The following THAP10 variants were observed in gnomAD, a reference collection of about 807,000 sequenced individuals.
THAP10 encodes THAP domain containing 10, also known as THAP domain-containing protein 10.
A neutral mutation model predicts 15.7 loss-of-function variants in THAP10; 10 were observed. That is an observed-to-expected ratio of 0.64 (90% CI 0.39 to 1.08). The LOEUF (loss-of-function observed/expected upper bound fraction) is 1.08, where lower values mean the gene tolerates loss of function less well. THAP10 is among the 50% of genes least tolerant of loss of function. The pLI, the probability that THAP10 is intolerant of heterozygous loss-of-function variation, is 0.01. For missense variants in THAP10, 310 were observed against 330.9 expected, an observed-to-expected ratio of 0.94 and a Z score of 0.49; for synonymous variants, 127 against 129.1, an observed-to-expected ratio of 0.98 and a Z score of 0.11.
rs2033300118 is a variant in THAP10 at position 70,882,850 on chromosome 15, G to T, written c.488C>A (p.Thr163Asn). The change falls in exon 2 of 3, where the codon ACT becomes AAT. Residue 163 changes from threonine (T) to asparagine (N), a missense_variant. Thr to Asn is a moderately conservative substitution (Grantham distance 65). Coordinates refer to ENST00000249861, the MANE Select transcript of THAP10 (RefSeq NM_020147.4). ...TQPHADNPSNTVTSVPTHCEE... is the reference protein window; with the variant it reads ...TQPHADNPSNNVTSVPTHCEE... Reference sequence around the variant, plus strand: ...ACAGTGAGTAGGTACTGAAGTGACAGTATTAGATGGATTATCAGCATGGGG... The same window carrying T: ...ACAGTGAGTAGGTACTGAAGTGACATTATTAGATGGATTATCAGCATGGGG... The T allele has an allele frequency of 6.2e-7, 1 of 1,614,034 alleles. No homozygotes were observed. Among genetic ancestry groups the T allele is most frequent in the Admixed American group, 1.7e-5 (1 of 60,004 alleles).
intron 1 of THAP10, among the ~76,000 whole-genome samples, chr15:70,889,977 CT>C (rs1301166409): frequency 3.9e-5 from 6 of 152,152 alleles, no homozygotes; most frequent in African/African-American, 1.4e-4. Flanking sequence ...TATTTTAGAA[CT>C]CACAGTTTTC....
chr15:70,891,734 T>C, intron 1 of THAP10, 110 bp downstream of exon 1: 1 of 1,023,954 alleles, frequency 9.8e-7, no homozygotes, highest in Non-Finnish European at 1.4e-6. Context: ...CTTTGCAGAT[T>C]AGAAAACAGG....
intron 1 of THAP10, among the ~76,000 whole-genome samples, chr15:70,885,877 G>A (rs1263811697): frequency 2.0e-5 from 3 of 152,264 alleles, no homozygotes; most frequent in East Asian, 3.9e-4. Flanking sequence ...TCCAAGTGCA[G>A]TACGCACATT....
At position 70,882,799 on chromosome 15, in the gene THAP10, G is replaced by T; in HGVS notation, c.539C>A (p.Thr180Lys). Residue 180 changes from threonine to lysine, a missense_variant, in exon 2 of 3, where the codon ACA (threonine) becomes AAA (lysine). Thr to Lys is a moderately conservative substitution (Grantham distance 78). Coordinates refer to ENST00000249861, the MANE Select transcript of THAP10 (RefSeq NM_020147.4). ...ACGGGGCCTTTTCAAAGAAATTTGT[G>T]TACTTTTATGCACTGGGCCTTCTTC... ...HCEEGPVHKS[T>K]QISLKRPRHR... The T allele has an allele frequency of 6.2e-7, 1 of 1,614,164 alleles. No individual in the cohort carries two copies. Among genetic ancestry groups the T allele is most frequent in the East Asian group, 2.2e-5 (1 of 44,868 alleles).
At chr15:70,882,989 C>T in intron 1 of THAP10, 81 bp from the exon 2 acceptor site, 6 of 1,456,426 alleles carry the variant, frequency 4.1e-6, no homozygotes, top group African/African-American at 1.4e-5. Flanking sequence ...AGTAGTAAGA[C>T]AGTATAGCTG....
At chr15:70,884,027 GT>G (rs1303726576) in intron 1 of THAP10, among the ~76,000 whole-genome samples, 1 of 152,070 alleles carries the variant, frequency 6.6e-6, no homozygotes, top group Non-Finnish European at 1.5e-5. Flanking sequence ...TATGTAAAAG[GT>G]AATATAAGAC....
intron 1 of THAP10, 92 bp downstream of exon 1, chr15:70,891,752 G>T: frequency 8.4e-7 from 1 of 1,193,094 alleles, no homozygotes; most frequent in South Asian, 1.6e-5. Flanking sequence ...AGGAACTTTC[G>T]AGATGAGGTG....
At chr15:70,889,427 T>C (rs1403342785) in intron 1 of THAP10, among the ~76,000 whole-genome samples, 1 of 152,074 alleles carries the variant, frequency 6.6e-6, no homozygotes, top group Non-Finnish European at 1.5e-5. Flanking sequence ...TGGGGTGATA[T>C]AGGGACTCCT....
chr15:70,886,162 A>T (rs1396287901), intron 1 of THAP10, among the ~76,000 whole-genome samples: 1 of 152,210 alleles, frequency 6.6e-6, no homozygotes, highest in African/African-American at 2.4e-5. Context: ...AACTTGTAAG[A>T]TTCAGTAAAG....
In THAP10 at chr15:70,881,575, A is replaced by G. The variant is rs1262242772; in HGVS notation, c.*879T>C. The G allele has an allele frequency of 1.3e-5, 2 of 152,208 alleles. No homozygotes were observed. The highest frequency in any genetic ancestry group is 2.4e-5 in the African/African-American group (1 of 41,460). 9.4% of individuals were successfully genotyped at this position (152,208 alleles called of 1,614,324 possible). ...AGAAACTATTGTAACAGTTTACTTC[A>G]TGGTACAAAATTGCCATAGAAATTT... On this transcript the variant is annotated 3_prime_UTR_variant, in exon 3 of 3. Transcript: ENST00000249861.
Position 70,882,406 on chromosome 15 carries a change from T to C in THAP10, c.*48A>G, listed in dbSNP as rs776059168. On this transcript the variant is annotated 3_prime_UTR_variant, in exon 3 of 3. Transcript: ENST00000249861. Reference sequence around the variant, plus strand: ...AATAGCAAAGAGATAATTATGTGAGTAAAGATTTGAAAATCTATAGCACAT... The same window carrying C: ...AATAGCAAAGAGATAATTATGTGAGCAAAGATTTGAAAATCTATAGCACAT... 95 of 1,402,582 alleles carry C rather than the reference T, an allele frequency of 6.8e-5. No individual in the cohort carries two copies. Among genetic ancestry groups the C allele is most frequent in the Non-Finnish European group, 9.9e-7 (1 of 1,012,782 alleles). The allele number at this position is 1,402,582 out of a possible 1,614,324, so 86.9% of individuals were successfully genotyped here. A position where few individuals can be genotyped will look rare whatever the true frequency, so the allele number is the denominator to read the frequency against.
In THAP10 at chr15:70,892,122, A is replaced by G. The variant is rs749123307; in HGVS notation, c.151T>C (p.Ser51Pro). The G allele has an allele frequency of 1.2e-6, 2 of 1,613,900 alleles. No homozygotes were observed. Among genetic ancestry groups the G allele is most frequent in the Non-Finnish European group, 1.7e-6 (2 of 1,179,906 alleles). The change falls in exon 1 of 3, where the codon TCG (serine) becomes CCG (proline). Residue 51 changes from serine to proline, a missense_variant. Coordinates refer to ENST00000249861, the MANE Select transcript of THAP10 (RefSeq NM_020147.4). ...RADWYGGNDR[S>P]VICSDHFAPA... ...GCAAAGTGGTCAGAGCAGATGACCG[A>G]GCGGTCATTGCCTCCGTACCAGTCG... is the stretch of plus-strand genomic sequence containing the variant.
chr15:70,885,253 A>G (rs1412611877), intron 1 of THAP10, among the ~76,000 whole-genome samples: 2 of 152,218 alleles, frequency 1.3e-5, no homozygotes, highest in Non-Finnish European at 2.9e-5. Context: ...AGAAAATGTC[A>G]TAACAGACAT....
At chr15:70,887,718 C>T (rs1157234572) in intron 1 of THAP10, among the ~76,000 whole-genome samples, 3 of 152,084 alleles carry the variant, frequency 2.0e-5, no homozygotes, top group African/African-American at 7.2e-5. Flanking sequence ...TCTTCTGTTC[C>T]CACACTGTAC....
At chr15:70,888,753 A>T (rs2033474820) in intron 1 of THAP10, among the ~76,000 whole-genome samples, 1 of 152,192 alleles carries the variant, frequency 6.6e-6, no homozygotes, top group Non-Finnish European at 1.5e-5. Flanking sequence ...AAAATTCTAA[A>T]TCAACAAGAA....
chr15:70,885,974 T>C (rs1335709701), intron 1 of THAP10, among the ~76,000 whole-genome samples: 2 of 152,162 alleles, frequency 1.3e-5, no homozygotes, highest in Non-Finnish European at 2.9e-5. Context: ...GTCCATATAT[T>C]GCATTTTCTC....
At chr15:70,887,364 T>C (rs2033438064) in intron 1 of THAP10, among the ~76,000 whole-genome samples, 1 of 152,112 alleles carries the variant, frequency 6.6e-6, no homozygotes, top group South Asian at 2.1e-4. Flanking sequence ...ACAAAAATCC[T>C]AAATATTTTA....
chr15:70,892,420 G>C lies in THAP10; in HGVS notation c.-148C>G, dbSNP rs1460176198. The stretch of plus-strand genomic sequence containing the variant: ...GTTTCCTTCCCTACCTCTGGTCACC[G>C]GAAGTGGCGATCTGGGGCCCCCAAT... On this transcript the variant is annotated 5_prime_UTR_variant, in exon 1 of 3. Coordinates refer to ENST00000249861, the MANE Select transcript of THAP10 (RefSeq NM_020147.4). 3.3e-6 allele frequency: 5 copies of C among 1,538,136 alleles called. No individual in the cohort carries two copies. Among genetic ancestry groups the C allele is most frequent in the Non-Finnish European group, 4.4e-6 (5 of 1,146,408 alleles).
chr15:70,890,961 A>G (rs2033540999), intron 1 of THAP10, among the ~76,000 whole-genome samples: 1 of 152,180 alleles, frequency 6.6e-6, no homozygotes, highest in Admixed American at 6.5e-5. Flanking sequence ...TATCTTAATA[A>G]TTGCAAGATG....
Sources: allele counts gnomAD v4.1 joint callset (sites outside exome capture counted in the v4.1 genomes callset), GRCh38; gene constraint gnomAD v4.1.1; transcripts MANE v1.5; gene names NCBI Gene and HGNC (gene_info 2026-07-23, HGNC 2026-07-21).